LRP1B: variants seen among roughly 807,000 people sequenced by gnomAD.
The protein encoded by LRP1B is low-density lipoprotein receptor-related protein 1B.
In LRP1B, 217 loss-of-function variants were observed where a neutral mutation model predicts 556.6. That is an observed-to-expected ratio of 0.39 (90% CI 0.35 to 0.44). The LOEUF is 0.44. Among genes scored for constraint, LRP1B ranks in the 20% least tolerant of loss-of-function variants. The pLI, the probability that LRP1B is intolerant of heterozygous loss-of-function variation, is 1.00. For missense variants in LRP1B, 5,053 were observed against 5,620.8 expected, an observed-to-expected ratio of 0.90 and a Z score of 3.23; for synonymous variants, 2,047 against 1,865.8, an observed-to-expected ratio of 1.10 and a Z score of -2.50.
At chr2:140,547,510 C>T (rs1394467287) in intron 43 of LRP1B, among the ~76,000 whole-genome samples, 2 of 151,968 alleles carry the variant, frequency 1.3e-5, no homozygotes, top group South Asian at 2.1e-4. Flanking sequence ...TCTCCTTTCT[C>T]GTTTCTAATT....
chr2:140,888,508 C>T (rs1693705301), intron 23 of LRP1B, among the ~76,000 whole-genome samples: 2 of 150,586 alleles, frequency 1.3e-5, no homozygotes, highest in South Asian at 2.1e-4. Context: ...TATACTTATA[C>T]ATATAAATAT....
intron 41 of LRP1B, among the ~76,000 whole-genome samples, chr2:140,694,104 TAAAAC>T (rs1354583395): frequency 6.6e-6 from 1 of 152,194 alleles, no homozygotes; most frequent in Admixed American, 6.5e-5. Context: ...TATGTTTAGT[TAAAAC>T]AAAACATCAG....
At chr2:140,541,692 C>A in intron 44 of LRP1B, 87 bp downstream of exon 44, 1 of 1,060,752 alleles carries the variant, frequency 9.4e-7, no homozygotes, top group Non-Finnish European at 1.3e-6. Flanking sequence ...AAAAGCAAAT[C>A]CAACTATTAC....
At chr2:140,939,906 G>A (rs1395875630) in intron 20 of LRP1B, among the ~76,000 whole-genome samples, 14 of 94,042 alleles carry the variant, frequency 1.5e-4, no homozygotes, top group Admixed American at 1.0e-3. Flanking sequence ...TTTTTTTTGA[G>A]ACAGTGTCTC....
chr2:142,056,262 A>G (rs186331056), intron 1 of LRP1B, among the ~76,000 whole-genome samples: 4 of 152,102 alleles, frequency 2.6e-5, no homozygotes, highest in South Asian at 2.1e-4. Context: ...AAATATTATA[A>G]AAACCAACTC....
At chr2:141,820,063 AAAATG>A (rs1424163707) in intron 1 of LRP1B, among the ~76,000 whole-genome samples, 1 of 152,184 alleles carries the variant, frequency 6.6e-6, no homozygotes, top group Admixed American at 6.5e-5. Context: ...TCCCATGGTT[AAAATG>A]AAATACCTCA....
intron 68 of LRP1B, among the ~76,000 whole-genome samples, chr2:140,377,503 A>T (rs936586150): frequency 2.0e-5 from 3 of 152,188 alleles, no homozygotes; most frequent in African/African-American, 7.2e-5. Context: ...GATTGAGAAA[A>T]ATATATATAA....
intron 3 of LRP1B, among the ~76,000 whole-genome samples, chr2:141,359,881 T>C (rs571596171): frequency 6.6e-6 from 1 of 150,532 alleles, no homozygotes; most frequent in African/African-American, 2.4e-5. Context: ...AAGCAGTGAA[T>C]ACTGGTAGCC....
intron 1 of LRP1B, among the ~76,000 whole-genome samples, chr2:142,105,488 A>G (rs2104977511): frequency 6.6e-6 from 1 of 152,288 alleles, no homozygotes; most frequent in South Asian, 2.1e-4. Context: ...CAAAATGTAG[A>G]ATTTTGGAAA....
intron 12 of LRP1B, 128 bp downstream of exon 12, chr2:141,019,794 C>T (rs1698012842): frequency 4.9e-6 from 3 of 608,010 alleles, no homozygotes; most frequent in Admixed American, 3.5e-5. Flanking sequence ...GTAACTTTAC[C>T]CACTAAGACC....
intron 1 of LRP1B, among the ~76,000 whole-genome samples, chr2:141,837,078 A>T (rs949922876): frequency 5.9e-5 from 9 of 151,986 alleles, no homozygotes; most frequent in Admixed American, 3.3e-4. Flanking sequence ...ATTATAACTG[A>T]GTCTATTATT....
At chr2:140,444,139 G>A (rs559034743) in intron 65 of LRP1B, among the ~76,000 whole-genome samples, 191 bp downstream of exon 65, 1 of 152,222 alleles carries the variant, frequency 6.6e-6, no homozygotes, top group South Asian at 2.1e-4. Context: ...AAGTAAACTT[G>A]CCCATATTTT....
chr2:141,538,545 A>G (rs984801086), intron 2 of LRP1B, among the ~76,000 whole-genome samples: 2 of 152,034 alleles, frequency 1.3e-5, no homozygotes, highest in Non-Finnish European at 2.9e-5. Flanking sequence ...CTGAATACAG[A>G]TGGGCCAGTG....
intron 2 of LRP1B, among the ~76,000 whole-genome samples, chr2:141,631,401 T>C (rs1202151760): frequency 1.3e-5 from 2 of 152,048 alleles, no homozygotes; most frequent in African/African-American, 4.8e-5. Context: ...ATCTATATTA[T>C]ATGAAAATTA....
chr2:140,431,810 C>T (rs1685956351), intron 66 of LRP1B, among the ~76,000 whole-genome samples: 1 of 152,086 alleles, frequency 6.6e-6, no homozygotes, highest in Non-Finnish European at 1.5e-5. Context: ...CCCCTTACCA[C>T]AAAATCTTCC....
At chr2:141,608,994 T>C (rs1165554210) in intron 2 of LRP1B, among the ~76,000 whole-genome samples, 1 of 152,206 alleles carries the variant, frequency 6.6e-6, no homozygotes, top group Non-Finnish European at 1.5e-5. Context: ...AGCACTTCTT[T>C]AATGCTGGAA....
chr2:140,523,347 T>A (rs1435970068), intron 49 of LRP1B, among the ~76,000 whole-genome samples: 1 of 151,842 alleles, frequency 6.6e-6, no homozygotes, highest in Non-Finnish European at 1.5e-5. Flanking sequence ...CCAATATCGC[T>A]TCATGATAAC....
In LRP1B at chr2:140,291,298, TTA is replaced by T. The variant is rs66596182; in HGVS notation, c.12967+6508_12967+6509del. ...AGATACCACTTCAAGAAATTTTATT[TTA>T]TATATATATATATATATATTTTTAT... On this transcript the variant is annotated intron_variant, in intron 84 of 90. Transcript: ENST00000389484. 3.9e-4 allele frequency among the ~76,000 whole-genome samples: 28 copies of T among 71,994 alleles called. 2 individuals are homozygous for T. The highest frequency in any genetic ancestry group is 1.0e-3 in the South Asian group (2 of 1,944). The allele number at this position is 71,994 out of a possible 152,430, so 47.2% of individuals were successfully genotyped here.
At chr2:141,427,021 C>T (rs1029768438) in intron 3 of LRP1B, among the ~76,000 whole-genome samples, 4 of 152,100 alleles carry the variant, frequency 2.6e-5, no homozygotes, top group African/African-American at 9.7e-5. Flanking sequence ...GCTATCCCAC[C>T]CCTAGCCCTC....
Sources: allele counts gnomAD v4.1 joint callset (sites outside exome capture counted in the v4.1 genomes callset), GRCh38; gene constraint gnomAD v4.1.1; transcripts MANE v1.5; gene names NCBI Gene and HGNC (gene_info 2026-07-23, HGNC 2026-07-21).